Variants in LRBA observed in about 807,000 individuals in gnomAD.
LRBA encodes LPS responsive beige-like anchor protein.
In LRBA, 176 loss-of-function variants were observed where a neutral mutation model predicts 330.0. That is an observed-to-expected ratio of 0.53 (90% CI 0.47 to 0.60). The LOEUF (loss-of-function observed/expected upper bound fraction) is 0.60. Ranked by LOEUF, LRBA falls within the 20% of genes least tolerant of loss-of-function variation. LRBA has a pLI of 0.00. For missense variants in LRBA, 3,259 were observed against 3,444.8 expected (o/e 0.95, Z 1.35); for synonymous variants, 1,230 against 1,193.0 (o/e 1.03, Z -0.64).
chr4:150,479,948 G>A (rs562348412), intron 42 of LRBA, among the ~76,000 whole-genome samples: 20 of 152,164 alleles, frequency 1.3e-4, no homozygotes, highest in African/African-American at 4.3e-4. Flanking sequence ...GCATTCTATC[G>A]CAATTGCATT....
intron 36 of LRBA, among the ~76,000 whole-genome samples, chr4:150,733,555 G>GTCTC (rs753439894): frequency 4.7e-5 from 7 of 148,238 alleles, no homozygotes; most frequent in African/African-American, 7.4e-5. Context: ...GACTGATTCT[G>GTCTC]TCTCTCTCTC....
At chr4:150,377,128 AT>A (rs1326441682) in intron 47 of LRBA, among the ~76,000 whole-genome samples, 1 of 149,654 alleles carries the variant, frequency 6.7e-6, no homozygotes, top group Non-Finnish European at 1.5e-5. Flanking sequence ...TCCCATCTCC[AT>A]AAAAATAATG....
chr4:150,625,427 T>C (rs1335967601), intron 37 of LRBA, among the ~76,000 whole-genome samples: 1 of 152,146 alleles, frequency 6.6e-6, no homozygotes, highest in African/African-American at 2.4e-5. Flanking sequence ...GAGCAAAAAG[T>C]AACATTTTTA....
intron 37 of LRBA, among the ~76,000 whole-genome samples, chr4:150,618,700 T>C (rs1328241247): frequency 6.6e-6 from 1 of 152,166 alleles, no homozygotes; most frequent in East Asian, 1.9e-4. Flanking sequence ...AGTTCATTAG[T>C]TTTACTGCAA....
intron 17 of LRBA, among the ~76,000 whole-genome samples, chr4:150,875,934 C>T (rs1753978924): frequency 6.6e-6 from 1 of 152,076 alleles, no homozygotes; most frequent in Non-Finnish European, 1.5e-5. Flanking sequence ...AAAGCATGGA[C>T]TGCAAGGAAG....
chr4:150,802,892 C>T (rs932424345), intron 33 of LRBA, among the ~76,000 whole-genome samples: 15 of 151,538 alleles, frequency 9.9e-5, no homozygotes, highest in African/African-American at 3.6e-4. Flanking sequence ...CTTGGTGGCA[C>T]ATGCCTGTAG....
At chr4:150,432,968 TG>T (rs1331097058) in intron 46 of LRBA, among the ~76,000 whole-genome samples, 1 of 152,024 alleles carries the variant, frequency 6.6e-6, no homozygotes, top group Non-Finnish European at 1.5e-5. Flanking sequence ...AATATAAAAA[TG>T]GGGGTAATTT....
chr4:150,510,449 A>G (rs1460424658), intron 40 of LRBA, among the ~76,000 whole-genome samples: 3 of 152,214 alleles, frequency 2.0e-5, no homozygotes, highest in Non-Finnish European at 4.4e-5. Flanking sequence ...AAATATTTGT[A>G]AAATTTCTCT....
chr4:150,911,600 AT>A (rs972801295), intron 9 of LRBA, among the ~76,000 whole-genome samples: 2 of 152,112 alleles, frequency 1.3e-5, no homozygotes, highest in South Asian at 2.1e-4. Flanking sequence ...ATTTCTTAGT[AT>A]TTTATTGAAG....
intron 2 of LRBA, among the ~76,000 whole-genome samples, chr4:150,974,408 A>G (rs990908106): frequency 6.6e-6 from 1 of 152,234 alleles, no homozygotes; most frequent in Non-Finnish European, 1.5e-5. Flanking sequence ...AACACCATCA[A>G]GAGAAGAACA....
rs1346893922 is a variant in LRBA at position 150,516,225 on chromosome 4, T to C, written c.6331-25190A>G. Among the ~76,000 whole-genome samples the C allele has an allele frequency of 1.4e-3, 138 of 97,740 alleles. 2 individuals are homozygous for C. The highest frequency in any genetic ancestry group is 2.8e-3 in the Non-Finnish European group (121 of 43,448). The allele number at this position is 97,740 out of a possible 152,430, so 64.1% of individuals were successfully genotyped here. A position where few individuals can be genotyped will look rare whatever the true frequency, so the allele number is the denominator to read the frequency against. On this transcript the variant is annotated intron_variant, in intron 40 of 56. Coordinates refer to ENST00000651943, the MANE Select transcript of LRBA (RefSeq NM_001364905.1). ...CTGACATTTTCTATTCTCTTTTTTT[T>C]TTTTTTTTTTTTTTTTTTGCTAAGT...
chr4:150,755,644 A>C (rs1411783838), intron 35 of LRBA, among the ~76,000 whole-genome samples: 2 of 152,144 alleles, frequency 1.3e-5, no homozygotes, highest in Non-Finnish European at 2.9e-5. Flanking sequence ...TTACTATCAA[A>C]CATTTAAAAA....
At chr4:150,325,702 C>T in intron 49 of LRBA, 107 bp downstream of exon 49, 1 of 750,502 alleles carries the variant, frequency 1.3e-6, no homozygotes, top group Non-Finnish European at 2.3e-6. Context: ...CATAAAAAAA[C>T]AAACCCACAT....
chr4:150,999,053 T>C (rs754431117), intron 2 of LRBA, among the ~76,000 whole-genome samples: 4 of 152,144 alleles, frequency 2.6e-5, no homozygotes, highest in Non-Finnish European at 4.4e-5. Flanking sequence ...CCTACAAATA[T>C]TAGGTAAATA....
chr4:150,489,461 T>TAC (rs1758530013), intron 41 of LRBA, among the ~76,000 whole-genome samples: 1 of 51,074 alleles, frequency 2.0e-5, no homozygotes. Context: ...TATATAAGAA[T>TAC]ATAAAATATA....
rs556653544 is a variant in LRBA at position 150,731,171 on chromosome 4, G to A, written c.5754+4087C>T. 3.2e-4 allele frequency among the ~76,000 whole-genome samples: 49 copies of A among 152,278 alleles called. 2 individuals carry two copies. In the South Asian group the frequency reaches 9.5e-3, roughly 30 times the overall value. On this transcript the variant is annotated intron_variant, in intron 36 of 56. Transcript: ENST00000651943. ...CGCTGTCGAGGATGTGGAGAAAAAG[G>A]AACCCACATACACTATTGGTGGAGT...
At chr4:150,750,090 T>C (rs1303354271) in intron 35 of LRBA, among the ~76,000 whole-genome samples, 1 of 152,200 alleles carries the variant, frequency 6.6e-6, no homozygotes, top group Non-Finnish European at 1.5e-5. Flanking sequence ...ATTCAAACTG[T>C]TTCCCCTTCA....
chr4:150,313,709 G>T (rs1043690095), intron 51 of LRBA, among the ~76,000 whole-genome samples: 1 of 151,714 alleles, frequency 6.6e-6, no homozygotes, highest in African/African-American at 2.4e-5. Flanking sequence ...TGAAACACTT[G>T]GGACCAGAAG....
intron 36 of LRBA, among the ~76,000 whole-genome samples, chr4:150,693,406 A>T: frequency 6.6e-6 from 1 of 151,174 alleles, no homozygotes; most frequent in Non-Finnish European, 1.5e-5. Context: ...TACTAAAAAT[A>T]CAAAAAAATT....
Sources: gnomAD v4.1 joint callset for allele counts (sites outside exome capture counted in the v4.1 genomes callset) on GRCh38, gnomAD v4.1.1 for gene constraint, MANE v1.5 for transcripts, NCBI Gene and HGNC (gene_info 2026-07-23, HGNC 2026-07-21) for gene names.